The following NPHS2 variants were observed in gnomAD, a reference collection of about 807,000 sequenced individuals.
The protein encoded by NPHS2 is podocin.
In NPHS2, 36 loss-of-function variants were observed where a neutral mutation model predicts 37.1. The observed-to-expected ratio is 0.97, with a 90% confidence interval of 0.74 to 1.28. The LOEUF is 1.28. Among genes scored for constraint, NPHS2 ranks in the 50% most tolerant of loss-of-function variants. NPHS2 has a pLI of 0.00. For missense variants in NPHS2, 447 were observed against 488.1 expected (o/e 0.92, Z 0.79); for synonymous variants, 196 against 189.3 (o/e 1.04, Z -0.29).
At position 179,575,800 on chromosome 1, in the gene NPHS2, T is replaced by C; in HGVS notation, c.65A>G (p.Lys22Arg). The C allele has an allele frequency of 6.7e-7, 1 of 1,481,506 alleles. No individual in the cohort carries two copies. Among genetic ancestry groups the C allele is most frequent in the Non-Finnish European group, 8.9e-7 (1 of 1,121,920 alleles). The allele number at this position is 1,481,506 out of a possible 1,614,324, so 91.8% of individuals were successfully genotyped here. Residue 22 changes from lysine to arginine, a missense_variant, in exon 1 of 8, where the codon AAG (lysine) becomes AGG (arginine). Coordinates refer to ENST00000367615, the MANE Select transcript of NPHS2 (RefSeq NM_014625.4). ...SRGRGGRTPH[K>R]ENKRAKAERS... The stretch of plus-strand genomic sequence containing the variant: ...CTCGGCCTTTGCCCTCTTGTTCTCC[T>C]TGTGCGGAGTCCTGCCGCCTCGCCC...
At chr1:179,572,651 A>G (rs1321098567) in intron 1 of NPHS2, among the ~76,000 whole-genome samples, 1 of 152,208 alleles carries the variant, frequency 6.6e-6, no homozygotes, top group Admixed American at 6.5e-5. Context: ...GTACTAGAAA[A>G]CTTACTAAAG....
intron 1 of NPHS2, among the ~76,000 whole-genome samples, chr1:179,571,896 T>G (rs977816472): frequency 6.6e-6 from 1 of 152,170 alleles, no homozygotes; most frequent in Non-Finnish European, 1.5e-5. Context: ...GAGGATCACC[T>G]TGTCTGCAGG....
intron 1 of NPHS2, among the ~76,000 whole-genome samples, chr1:179,568,005 TAA>T (rs1674402664): frequency 6.6e-6 from 1 of 152,236 alleles, no homozygotes; most frequent in Non-Finnish European, 1.5e-5. Context: ...GATATTGGTC[TAA>T]AATTCTCTTT....
intron 1 of NPHS2, among the ~76,000 whole-genome samples, chr1:179,572,725 G>C (rs141015680): frequency 3.3e-5 from 5 of 152,088 alleles, no homozygotes; most frequent in African/African-American, 7.2e-5. Flanking sequence ...ATTAGGAAAT[G>C]GTAGTCTACT....
chr1:179,573,587 A>G (rs1327866500), intron 1 of NPHS2, among the ~76,000 whole-genome samples: 1 of 152,234 alleles, frequency 6.6e-6, no homozygotes, highest in Non-Finnish European at 1.5e-5. Context: ...ATGCTGCTCT[A>G]CCAACATATT....
At chr1:179,559,462 C>A (rs2125786409) in intron 4 of NPHS2, among the ~76,000 whole-genome samples, 1 of 152,198 alleles carries the variant, frequency 6.6e-6, no homozygotes, top group East Asian at 1.9e-4. Context: ...TGAATATTAA[C>A]CCTTTATGAG....
Position 179,551,179 on chromosome 1 carries a change from C to T in NPHS2, c.1146G>A (p.Met382Ile), listed in dbSNP as rs969389290. The change falls in exon 8 of 8, where the codon ATG (methionine) becomes ATA (isoleucine). Residue 382 changes from methionine (M) to isoleucine (I), a missense_variant. Physicochemically the swap from Met to Ile is conservative, Grantham distance 10. Coordinates refer to ENST00000367615, the MANE Select transcript of NPHS2 (RefSeq NM_014625.4). ...PLNPKKKDSPML is the reference protein window; with the variant it reads ...PLNPKKKDSPIL ...ACATTATGCCCCATCCTTCCTATAA[C>T]ATGGGAGAGTCTTTCTTTTTAGGAT... 1 of 1,614,006 alleles carries T rather than the reference C, an allele frequency of 6.2e-7. No individual in the cohort carries two copies. The highest frequency in any genetic ancestry group is 8.5e-7 in the Non-Finnish European group (1 of 1,180,006).
At chr1:179,564,957 G>C (rs1472684627) in intron 1 of NPHS2, among the ~76,000 whole-genome samples, 164 bp from the exon 2 acceptor site, 1 of 152,142 alleles carries the variant, frequency 6.6e-6, no homozygotes, top group Admixed American at 6.6e-5. Flanking sequence ...CACAGGGCCT[G>C]GGGAGGAGCA....
At chr1:179,552,973 A>G (rs910809525) in intron 6 of NPHS2, among the ~76,000 whole-genome samples, 15 of 152,234 alleles carry the variant, frequency 9.9e-5, no homozygotes, top group African/African-American at 3.6e-4. Flanking sequence ...CGCTTAGGAT[A>G]TAATCTAAGC....
At chr1:179,575,192 C>T (rs1674708533) in intron 1 of NPHS2, among the ~76,000 whole-genome samples, 1 of 152,074 alleles carries the variant, frequency 6.6e-6, no homozygotes, top group Admixed American at 6.6e-5. Flanking sequence ...GGGGTGGGGA[C>T]GCTGGAAGAA....
In NPHS2 at chr1:179,551,551, A is replaced by C; in HGVS notation, c.874-100T>G. ...AGCAGACAAGCACTGAGCATCTACTATGTGGCAAGCACGGTTAAGCATAGA... is the reference window on the plus strand; with the variant it reads ...AGCAGACAAGCACTGAGCATCTACTCTGTGGCAAGCACGGTTAAGCATAGA... On this transcript the variant is annotated intron_variant, in intron 7 of 7. Coordinates refer to ENST00000367615, the MANE Select transcript of NPHS2 (RefSeq NM_014625.4). 3.6e-6 allele frequency: 5 copies of C among 1,376,080 alleles called. No individual in the cohort carries two copies. In the South Asian group the frequency reaches 6.0e-5, roughly 16 times the overall value. The allele number at this position is 1,376,080 out of a possible 1,614,324, so 85.2% of individuals were successfully genotyped here.
rs528568279 is a variant in NPHS2 at position 179,567,890 on chromosome 1, C to T, written c.275-3097G>A. 1.5e-3 allele frequency among the ~76,000 whole-genome samples: 235 copies of T among 152,290 alleles called. 10 individuals are homozygous for T. In the South Asian group the frequency reaches 0.047, roughly 31 times the overall value. ...CATTTATTGATTTGCATATGTTGAA[C>T]CAGCCTTGCATCCCAGGGATGAAGC... On this transcript the variant is annotated intron_variant, in intron 1 of 7. Transcript: ENST00000367615.
chr1:179,567,334 A>T (rs528319839), intron 1 of NPHS2, among the ~76,000 whole-genome samples: 18 of 152,280 alleles, frequency 1.2e-4, no homozygotes, highest in African/African-American at 4.1e-4. Context: ...AGCAATTGTG[A>T]ATGGGAGTTC....
chr1:179,571,882 G>A (rs967565177), intron 1 of NPHS2, among the ~76,000 whole-genome samples: 4 of 152,204 alleles, frequency 2.6e-5, no homozygotes, highest in African/African-American at 4.8e-5. Context: ...AGCCAGGCAC[G>A]GGAGAGGATC....
Position 179,551,107 on chromosome 1 carries a change from G to A in NPHS2, c.*66C>T, listed in dbSNP as rs1200961227. 1.9e-6 allele frequency: 3 copies of A among 1,597,050 alleles called. No homozygotes were observed. The highest frequency in any genetic ancestry group is 2.7e-5 in the African/African-American group (2 of 74,594). ...GAAGGGCAGGGAATGAGGACAGAGT[G>A]TCTCCCTCAGGCATGTGACTTTTCT... is the stretch of plus-strand genomic sequence containing the variant. On this transcript the variant is annotated 3_prime_UTR_variant, in exon 8 of 8. Coordinates refer to ENST00000367615, the MANE Select transcript of NPHS2 (RefSeq NM_014625.4).
chr1:179,563,830 G>A (rs979383677), intron 2 of NPHS2, among the ~76,000 whole-genome samples: 1 of 152,156 alleles, frequency 6.6e-6, no homozygotes, highest in African/African-American at 2.4e-5. Context: ...GAAAGGTGAA[G>A]GGGAAGAGGA....
At chr1:179,557,702 AGG>A (rs1673990297) in intron 4 of NPHS2, among the ~76,000 whole-genome samples, 2 of 152,226 alleles carry the variant, frequency 1.3e-5, no homozygotes, top group Non-Finnish European at 2.9e-5. Context: ...TTTAGCTATA[AGG>A]ATGTTACTCA....
chr1:179,550,888 T>G lies in NPHS2; in HGVS notation c.*285A>C, dbSNP rs2125761742. 2.2e-6 allele frequency: 1 copy of G among 449,292 alleles called. No individual in the cohort carries two copies. The highest frequency in any genetic ancestry group is 4.5e-5 in the East Asian group (1 of 22,116). The allele number at this position is 449,292 out of a possible 1,614,324, so 27.8% of individuals were successfully genotyped here. On this transcript the variant is annotated 3_prime_UTR_variant, in exon 8 of 8. Coordinates refer to ENST00000367615, the MANE Select transcript of NPHS2 (RefSeq NM_014625.4). ...GAACCAAGTTCCCAGAAGTCAAAAT[T>G]TAACCACATCTAGACTCAAAATTCT... is the stretch of plus-strand genomic sequence containing the variant.
intron 3 of NPHS2, 137 bp from the exon 4 acceptor site, chr1:179,559,898 C>T (rs1277956546): frequency 4.8e-6 from 3 of 630,096 alleles, no homozygotes; most frequent in Admixed American, 4.4e-5. Flanking sequence ...ATCCCACCTC[C>T]ACCTGAGGGT....
Sources: gnomAD v4.1 joint callset for allele counts (sites outside exome capture counted in the v4.1 genomes callset) on GRCh38, gnomAD v4.1.1 for gene constraint, MANE v1.5 for transcripts, NCBI Gene and HGNC (gene_info 2026-07-23, HGNC 2026-07-21) for gene names.